ZSWIM2: variants seen among roughly 807,000 people sequenced by gnomAD.
ZSWIM2 encodes the protein E3 ubiquitin-protein ligase ZSWIM2.
A neutral mutation model predicts 48.4 loss-of-function variants in ZSWIM2; 38 were observed. The observed-to-expected ratio is 0.79, with a 90% CI of 0.61 to 1.03. The LOEUF (loss-of-function observed/expected upper bound fraction) is 1.03, where lower values mean the gene tolerates loss of function less well. ZSWIM2 is among the 50% of genes least tolerant of loss of function. The pLI, the probability that ZSWIM2 is intolerant of heterozygous loss-of-function variation, is 0.00. For missense variants in ZSWIM2, 776 were observed against 730.2 expected (o/e 1.06, Z -0.72); for synonymous variants, 240 against 251.3 (o/e 0.96, Z 0.42).
intron 5 of ZSWIM2, 25 bp from the exon 6 acceptor site, chr2:186,834,055 C>T (rs375968688): frequency 5.2e-5 from 81 of 1,549,456 alleles, no homozygotes; most frequent in African/African-American, 4.3e-4. Context: ...CATCAAAACA[C>T]GCAAGAAAAA....
intron 1 of ZSWIM2, 30 bp from the exon 2 acceptor site, chr2:186,847,825 A>G: frequency 6.4e-7 from 1 of 1,551,932 alleles, no homozygotes; most frequent in Non-Finnish European, 8.8e-7. Context: ...ACTTAAAAAG[A>G]CCAGTAAAAT....
chr2:186,829,633 C>T, intron 8 of ZSWIM2, 94 bp downstream of exon 8: 1 of 1,337,132 alleles, frequency 7.5e-7, no homozygotes, highest in Non-Finnish European at 1.0e-6. Flanking sequence ...GTACAGAGCA[C>T]AACTCAAAAG....
chr2:186,847,068 G>A lies in ZSWIM2; in HGVS notation c.242+651C>T, dbSNP rs149523398. On this transcript the variant is annotated intron_variant, in intron 2 of 8. Coordinates refer to ENST00000295131, the MANE Select transcript of ZSWIM2 (RefSeq NM_182521.3). ...GAGTAAGGCTGAAAAATCACTTATT[G>A]GGTACAATGTTCACTATTGGGGTGA... Among the ~76,000 whole-genome samples the A allele has an allele frequency of 2.2e-4, 32 of 147,226 alleles. No homozygotes were observed. In the East Asian group the frequency reaches 6.0e-3, roughly 28 times the overall value.
chr2:186,836,095 T>C (rs764898879), intron 5 of ZSWIM2, among the ~76,000 whole-genome samples: 23 of 152,090 alleles, frequency 1.5e-4, no homozygotes, highest in East Asian at 1.9e-4. Flanking sequence ...TTGGGGAACA[T>C]TGATTGTAAG....
intron 5 of ZSWIM2, 149 bp downstream of exon 5, chr2:186,837,157 C>T: frequency 1.3e-6 from 1 of 744,690 alleles, no homozygotes; most frequent in South Asian, 1.8e-5. Context: ...AGAAGTCAGT[C>T]TGTGAGTCCT....
chr2:186,834,340 T>A (rs1574138497), intron 5 of ZSWIM2, among the ~76,000 whole-genome samples: 1 of 152,124 alleles, frequency 6.6e-6, no homozygotes, highest in Non-Finnish European at 1.5e-5. Flanking sequence ...TCTATTTCCT[T>A]GCTCTTTCCA....
intron 5 of ZSWIM2, among the ~76,000 whole-genome samples, chr2:186,836,772 GC>G (rs1691800062): frequency 1.3e-5 from 2 of 152,074 alleles, no homozygotes; most frequent in South Asian, 4.1e-4. Flanking sequence ...AAAATTGTTT[GC>G]TCTAATAATT....
chr2:186,829,439 T>C (rs185845989), intron 8 of ZSWIM2, among the ~76,000 whole-genome samples: 28 of 152,302 alleles, frequency 1.8e-4, no homozygotes, highest in Non-Finnish European at 3.4e-4. Flanking sequence ...ATAACCTTTT[T>C]TCTTTTTACA....
In ZSWIM2 at chr2:186,846,810, C is replaced by CATATATATATATATATAT. The variant is rs36111849; in HGVS notation, c.242+908_242+909insATATATATATATATATAT. 8.0e-3 allele frequency among the ~76,000 whole-genome samples: 1,145 copies of CATATATATATATATATAT among 143,668 alleles called. 13 individuals are homozygous for CATATATATATATATATAT. The highest frequency in any genetic ancestry group is 0.012 in the Non-Finnish European group (790 of 66,384). 94.3% of individuals were successfully genotyped at this position (143,668 alleles called of 152,430 possible). On this transcript the variant is annotated intron_variant, in intron 2 of 8. Coordinates refer to ENST00000295131, the MANE Select transcript of ZSWIM2 (RefSeq NM_182521.3). The stretch of plus-strand genomic sequence containing the variant: ...ACATATATATATACACACACACACA[C>CATATATATATATATATAT]ATATATATATATATATAATGTAATA...
intron 7 of ZSWIM2, among the ~76,000 whole-genome samples, chr2:186,831,444 G>A (rs538402914): frequency 3.3e-5 from 5 of 151,408 alleles, no homozygotes; most frequent in Non-Finnish European, 7.4e-5. Context: ...TTTTTGTTTA[G>A]TTGATTCACT....
intron 5 of ZSWIM2, among the ~76,000 whole-genome samples, chr2:186,834,617 C>A (rs1001335669): frequency 2.6e-5 from 4 of 152,116 alleles, no homozygotes; most frequent in Admixed American, 2.6e-4. Context: ...CAATAACCCC[C>A]ATGGAAAAAT....
intron 2 of ZSWIM2, among the ~76,000 whole-genome samples, chr2:186,846,292 A>G (rs950018845): frequency 6.6e-6 from 1 of 151,908 alleles, no homozygotes; most frequent in African/African-American, 2.4e-5. Flanking sequence ...ACAGGAAAAA[A>G]CCTAATAACC....
chr2:186,837,222 A>G, intron 5 of ZSWIM2, 84 bp downstream of exon 5: 1 of 1,453,016 alleles, frequency 6.9e-7, no homozygotes, highest in Admixed American at 1.9e-5. Context: ...GGGAGGCTAC[A>G]GAACGGGTAC....
At chr2:186,829,633 C>A (rs1396082238) in intron 8 of ZSWIM2, 94 bp downstream of exon 8, 1 of 1,337,014 alleles carries the variant, frequency 7.5e-7, no homozygotes, top group East Asian at 2.4e-5. Flanking sequence ...GTACAGAGCA[C>A]AACTCAAAAG....
At position 186,828,405 on chromosome 2, in the gene ZSWIM2, G is replaced by C. The variant is rs138793510; in HGVS notation, c.1481C>G (p.Pro494Arg). 517 of 1,613,538 alleles carry C rather than the reference G, an allele frequency of 3.2e-4. No individual in the cohort carries two copies. Among genetic ancestry groups the C allele is most frequent in the Non-Finnish European group, 4.2e-4 (501 of 1,179,768 alleles). Residue 494 changes from proline (P) to arginine (R), a missense_variant, in exon 9 of 9, where the codon CCC becomes CGC. Physicochemically the swap from Pro to Arg is moderately radical, Grantham distance 103. Transcript: ENST00000295131. ...AGTGGGTAAATCTTGAAGATACCTG[G>C]GAAAATGTTGGCTAATTTTATAATC... ...TYDYKISQHFPRYLQDLPTVS... is the reference protein window; with the variant it reads ...TYDYKISQHFRRYLQDLPTVS...
At chr2:186,836,525 T>C (rs1315336689) in intron 5 of ZSWIM2, among the ~76,000 whole-genome samples, 1 of 152,074 alleles carries the variant, frequency 6.6e-6, no homozygotes, top group Non-Finnish European at 1.5e-5. Context: ...TACGGTTTTA[T>C]GACAGAGTTT....
chr2:186,828,144 A>G lies in ZSWIM2; in HGVS notation c.1742T>C (p.Val581Ala). The G allele has an allele frequency of 6.2e-7, 1 of 1,613,604 alleles. No homozygotes were observed. The highest frequency in any genetic ancestry group is 8.5e-7 in the Non-Finnish European group (1 of 1,179,724). Residue 581 changes from valine (V) to alanine (A), a missense_variant, in exon 9 of 9, where the codon GTC (valine) becomes GCC (alanine). Transcript: ENST00000295131. ...ACTAAGTTTAGCTGTGCTCCAATTG[A>G]CAATAAGATTGAAATCCTCTGGAAG... ...TLLPEDFNLI[V>A]NWSTAKLSLS...
Position 186,849,093 on chromosome 2 carries a change from C to T in ZSWIM2, c.38G>A (p.Arg13Lys). The change falls in exon 1 of 9, where the codon AGA becomes AAA. Residue 13 changes from arginine to lysine, a missense_variant. By Grantham distance (26) the Arg-to-Lys change is conservative. Coordinates refer to ENST00000295131, the MANE Select transcript of ZSWIM2 (RefSeq NM_182521.3). ...RRGYKASERR[R>K]HLSERLSWHQ... Reference sequence around the variant, plus strand: ...CCAGCTGAGCCTCTCGCTCAAGTGTCTTCGCCTTTCAGAGGCCTTATAGCC... The same window carrying T: ...CCAGCTGAGCCTCTCGCTCAAGTGTTTTCGCCTTTCAGAGGCCTTATAGCC... The T allele has an allele frequency of 6.2e-7, 1 of 1,614,042 alleles. No homozygotes were observed. Among genetic ancestry groups the T allele is most frequent in the African/African-American group, 1.3e-5 (1 of 75,058 alleles).
Position 186,828,558 on chromosome 2 carries a change from C to G in ZSWIM2, c.1328G>C (p.Ser443Thr). 2 of 1,613,166 alleles carry G rather than the reference C, an allele frequency of 1.2e-6. No homozygotes were observed. Among genetic ancestry groups the G allele is most frequent in the Non-Finnish European group, 1.7e-6 (2 of 1,179,492 alleles). Residue 443 changes from serine (S) to threonine (T), a missense_variant, in exon 9 of 9, where the codon AGC becomes ACC. Ser to Thr is a moderately conservative substitution (Grantham distance 58). Transcript: ENST00000295131. ...LKQNRLGILPSIPQCNFDELN... is the reference protein window; with the variant it reads ...LKQNRLGILPTIPQCNFDELN... ...TTCATCAAAATTACACTGAGGTATG[C>G]TAGGTAAAATTCCAAGTCTATTTTG...
Sources: allele counts gnomAD v4.1 joint callset (sites outside exome capture counted in the v4.1 genomes callset), GRCh38; gene constraint gnomAD v4.1.1; transcripts MANE v1.5; gene names NCBI Gene and HGNC (gene_info 2026-07-23, HGNC 2026-07-21).